Variants in NAV1 observed in about 807,000 individuals in gnomAD.
NAV1 encodes neuron navigator 1, also known as pore membrane and/or filament interacting like protein 3.
A neutral mutation model predicts 175.2 loss-of-function variants in NAV1; 18 were observed. That is an observed-to-expected ratio of 0.10 (90% CI 0.07 to 0.15). NAV1 has a LOEUF of 0.15. NAV1 is among the 10% of genes least tolerant of loss of function. The pLI, the probability that NAV1 is intolerant of heterozygous loss-of-function variation, is 1.00. For missense variants in NAV1, 1,731 were observed against 2,436.6 expected (o/e 0.71, Z 6.10); for synonymous variants, 897 against 978.7 (o/e 0.92, Z 1.56).
At position 201,634,570 on chromosome 1, in the gene NAV1, G is replaced by A. The variant is rs113517881; in HGVS notation, c.4+5063G>A. ...AGAGGCCAGATAAGTAAGGTCATCC[G>A]AGGTACCTGCTGGAGGGGTTTGAAA... On this transcript the variant is annotated intron_variant, in intron 2 of 29. Transcript: ENST00000367302. Among the ~76,000 whole-genome samples, 1,064 of 152,292 alleles carry A rather than the reference G, an allele frequency of 7.0e-3. 5 individuals are homozygous for A. Among genetic ancestry groups the A allele is most frequent in the Non-Finnish European group, 0.013 (856 of 68,018 alleles).
intron 2 of NAV1, among the ~76,000 whole-genome samples, chr1:201,601,745 A>G (rs1667518233): frequency 6.6e-6 from 1 of 152,204 alleles, no homozygotes; most frequent in Non-Finnish European, 1.5e-5. Context: ...TGTGAGAAGT[A>G]TATTTCTATT....
At chr1:201,543,626 T>C (rs1014908407) in intron 1 of NAV1, among the ~76,000 whole-genome samples, 2 of 152,226 alleles carry the variant, frequency 1.3e-5, no homozygotes, top group African/African-American at 4.8e-5. Flanking sequence ...TTCATTATAA[T>C]TAGTGTACTT....
chr1:201,633,421 A>G (rs1477691205), intron 2 of NAV1, among the ~76,000 whole-genome samples: 3 of 152,192 alleles, frequency 2.0e-5, no homozygotes, highest in African/African-American at 2.4e-5. Context: ...ACATCCAGCT[A>G]GGAGGCTGTG....
At chr1:201,780,475 C>T in exon 4 of NAV1, 2 of 1,614,226 alleles carry the variant, frequency 1.2e-6, no homozygotes, top group Non-Finnish European at 1.7e-6. Context: ...CAGACAATCT[C>T]AGTTCAGAAG....
At chr1:201,724,935 A>C (rs1672539701) in intron 3 of NAV1, 1 of 152,672 alleles carries the variant, frequency 6.5e-6, no homozygotes, top group African/African-American at 2.4e-5. Context: ...AAAAATGTCA[A>C]ATAAAATAAA....
chr1:201,746,033 GT>G (rs1283320256), intron 3 of NAV1, among the ~76,000 whole-genome samples: 9 of 151,512 alleles, frequency 5.9e-5, no homozygotes, highest in African/African-American at 2.2e-4. Context: ...TTGCCGTGTT[GT>G]CCAGGCTGTT....
chr1:201,715,840 G>A (rs557202613), intron 2 of NAV1, among the ~76,000 whole-genome samples: 2 of 152,144 alleles, frequency 1.3e-5, no homozygotes, highest in Non-Finnish European at 2.9e-5. Flanking sequence ...TTCCCCCAGC[G>A]AGGAGAGTCT....
chr1:201,729,871 G>A lies in NAV1; in HGVS notation c.1226+11116G>A, dbSNP rs149510044. 7.6e-4 allele frequency among the ~76,000 whole-genome samples: 115 copies of A among 152,148 alleles called. 1 individual carries two copies. In the East Asian group the frequency reaches 0.015, roughly 19 times the overall value. On this transcript the variant is annotated intron_variant, in intron 3 of 29. Transcript: ENST00000367296. ...CAGTGAGCCAAGATCGTGCCACTGCGCTCCAGCCTGGGCGACAGAGCAAAA... is the reference window on the plus strand; with the variant it reads ...CAGTGAGCCAAGATCGTGCCACTGCACTCCAGCCTGGGCGACAGAGCAAAA...
chr1:201,763,426 G>T (rs776171050), intron 3 of NAV1, among the ~76,000 whole-genome samples: 1 of 152,168 alleles, frequency 6.6e-6, no homozygotes, highest in Non-Finnish European at 1.5e-5. Context: ...CTCTTTGAAG[G>T]ATTTCAATTT....
intron 2 of NAV1, among the ~76,000 whole-genome samples, chr1:201,592,011 T>C (rs982966929): frequency 6.6e-6 from 1 of 152,200 alleles, no homozygotes; most frequent in African/African-American, 2.4e-5. Context: ...TGAGGCAGCC[T>C]GTGCAGGCTG....
chr1:201,642,618 C>T (rs1362834041), intron 2 of NAV1, among the ~76,000 whole-genome samples: 1 of 145,692 alleles, frequency 6.9e-6, no homozygotes, highest in East Asian at 2.0e-4. Flanking sequence ...CACCTTCCTT[C>T]CCTTTCCTTT....
intron 3 of NAV1, chr1:201,723,619 T>G (rs987859327): frequency 1.3e-5 from 2 of 152,234 alleles, no homozygotes; most frequent in Non-Finnish European, 2.9e-5. Context: ...ATGCAGAATC[T>G]CTGCTACCCA....
intron 15 of NAV1, among the ~76,000 whole-genome samples, chr1:201,802,354 C>CTCATGCCT (rs944545327): frequency 7.4e-6 from 1 of 135,762 alleles, no homozygotes; most frequent in African/African-American, 2.7e-5. Flanking sequence ...AGCATGTTGG[C>CTCATGCCT]TCATGCCTAT....
chr1:201,641,777 C>T (rs1198569556), intron 2 of NAV1, among the ~76,000 whole-genome samples: 3 of 152,208 alleles, frequency 2.0e-5, no homozygotes, highest in African/African-American at 7.2e-5. Context: ...CCTTGCTCTC[C>T]AGATCCTGAC....
rs1168718036 is a variant in NAV1, at chr1:201,556,261, T to TA, written c.-144+16926dup. Among the ~76,000 whole-genome samples, 3 of 151,500 alleles carry TA rather than the reference T, an allele frequency of 2.0e-5. No individual in the cohort carries two copies. In the East Asian group the frequency reaches 5.8e-4, roughly 29 times the overall value. Reference sequence around the variant, plus strand: ...TCCCCATCTCTACAAAAAATAAAAATAAAAAAATTAGTCGGGCATGGTGGT... The same window carrying TA: ...TCCCCATCTCTACAAAAAATAAAAATAAAAAAAATTAGTCGGGCATGGTGGT... On this transcript the variant is annotated intron_variant, in intron 1 of 33. Coordinates refer to the NAV1 transcript ENST00000685211.
rs1669063751 is a variant in NAV1, at chr1:201,648,575, C to G, written c.-94C>G. The G allele has an allele frequency of 5.6e-6, 7 of 1,261,054 alleles. No homozygotes were observed. In the East Asian group the frequency reaches 2.2e-4, roughly 40 times the overall value. The allele number at this position is 1,261,054 out of a possible 1,614,324, so 78.1% of individuals were successfully genotyped here. A position where few individuals can be genotyped will look rare whatever the true frequency, so the allele number is the denominator to read the frequency against. ...CTTCCGTCCTCTCTCTCCCCCTCCT[C>G]CTCCCCCGCCTCCTCCTCCTGCGCT... On this transcript the variant is annotated 5_prime_UTR_variant, in exon 1 of 30. Transcript: ENST00000367296.
At chr1:201,737,738 C>A (rs1416716869) in intron 3 of NAV1, among the ~76,000 whole-genome samples, 2 of 152,166 alleles carry the variant, frequency 1.3e-5, no homozygotes, top group African/African-American at 4.8e-5. Context: ...CAGGCCCTCC[C>A]TGCTGAGAAA....
At chr1:201,540,468 C>T (rs1665480676) in intron 1 of NAV1, among the ~76,000 whole-genome samples, 2 of 152,172 alleles carry the variant, frequency 1.3e-5, no homozygotes, top group Admixed American at 1.3e-4. Flanking sequence ...AGCTCTTGTT[C>T]CCCCTACATG....
chr1:201,690,029 A>C (rs950437255), intron 1 of NAV1, among the ~76,000 whole-genome samples: 1 of 117,280 alleles, frequency 8.5e-6, no homozygotes, highest in Non-Finnish European at 1.7e-5. Flanking sequence ...TGTGGCCTAT[A>C]TGTGGCAGAA....
Sources: allele counts gnomAD v4.1 joint callset (sites outside exome capture counted in the v4.1 genomes callset), GRCh38; gene constraint gnomAD v4.1.1; transcripts MANE v1.5; gene names NCBI Gene and HGNC (gene_info 2026-07-23, HGNC 2026-07-21).